PATJ: variants seen among roughly 807,000 people sequenced by gnomAD.
PATJ encodes inaD-like protein.
A neutral mutation model predicts 224.9 loss-of-function variants in PATJ; 190 were observed. The observed-to-expected ratio is 0.84, with a 90% CI of 0.75 to 0.95. The LOEUF is 0.95. Among genes scored for constraint, PATJ ranks in the 40% least tolerant of loss-of-function variants. The probability of loss-of-function intolerance (pLI) is 0.00; values close to 1 mark genes in which losing one functional copy is unlikely to be tolerated. For synonymous variants in PATJ, 769 were observed against 820.3 expected (o/e 0.94, Z 1.07); for missense variants, 2,121 against 2,270.3 (o/e 0.93, Z 1.34).
At position 62,114,074 on chromosome 1, in the gene PATJ, AAC is replaced by A; in HGVS notation, c.4484_4485del (p.Asn1495IlefsTer23). On this transcript the variant is annotated frameshift_variant, in exon 35 of 44. Coordinates refer to ENST00000642238, the MANE Select transcript of PATJ (RefSeq NM_001350145.3). LOFTEE classifies it high-confidence loss of function. ...CCAGGTTAATGGGGTTGACCTGAGG[AAC>A]TCCAGCCACGAAGAAGCCATCACAG... ...ILEVNGVDLR[N>X]SSHEEAITAL... 6.2e-7 allele frequency: 1 copy of A among 1,614,086 alleles called. No individual in the cohort carries two copies. The highest frequency in any genetic ancestry group is 8.5e-7 in the Non-Finnish European group (1 of 1,179,986).
chr1:62,158,721 AAAAAAAAAAC>A (rs1558251105), intron 43 of PATJ, among the ~76,000 whole-genome samples: 3 of 30,382 alleles, frequency 9.9e-5, no homozygotes, highest in South Asian at 1.0e-3. Flanking sequence ...ACTCTGTCTC[AAAAAAAAAAC>A]AAAAAAAAAG....
chr1:62,028,713 G>C (rs1032849169), intron 29 of PATJ, among the ~76,000 whole-genome samples: 22 of 152,048 alleles, frequency 1.4e-4, no homozygotes, highest in African/African-American at 5.3e-4. Context: ...AGCCCAGAAG[G>C]TCAAGGCTGC....
At chr1:61,992,894 T>G (rs1645149922) in intron 28 of PATJ, among the ~76,000 whole-genome samples, 1 of 152,184 alleles carries the variant, frequency 6.6e-6, no homozygotes, top group African/African-American at 2.4e-5. Flanking sequence ...ATGTAAGAGG[T>G]AAAGAGTTTT....
chr1:61,824,351 C>T (rs189898978), intron 15 of PATJ, among the ~76,000 whole-genome samples: 8 of 151,188 alleles, frequency 5.3e-5, no homozygotes, highest in Admixed American at 5.3e-4. Flanking sequence ...ATGTGTGAGC[C>T]ACTGCACCCG....
At chr1:62,051,265 G>A (rs998396545) in intron 31 of PATJ, among the ~76,000 whole-genome samples, 7 of 152,064 alleles carry the variant, frequency 4.6e-5, no homozygotes, top group African/African-American at 9.7e-5. Context: ...GAATTGTGCT[G>A]TCTGGGATTA....
intron 1 of PATJ, among the ~76,000 whole-genome samples, chr1:61,753,694 G>C (rs1368086167): frequency 1.3e-5 from 2 of 151,754 alleles, no homozygotes; most frequent in Admixed American, 6.6e-5. Context: ...ATTTTTAGTA[G>C]AGATGGGGTT....
At chr1:61,989,608 T>C (rs1343515402) in intron 27 of PATJ, among the ~76,000 whole-genome samples, 1 of 152,198 alleles carries the variant, frequency 6.6e-6, no homozygotes, top group African/African-American at 2.4e-5. Context: ...ATACTTTGCT[T>C]GCCTCAAATC....
intron 31 of PATJ, among the ~76,000 whole-genome samples, chr1:62,054,750 A>T (rs1654253362): frequency 6.6e-6 from 1 of 152,186 alleles, no homozygotes; most frequent in Non-Finnish European, 1.5e-5. Context: ...TCATTGGCTT[A>T]ATTTTTTTAA....
intron 41 of PATJ, among the ~76,000 whole-genome samples, chr1:62,144,804 G>GAATA (rs1667878465): frequency 8.9e-6 from 1 of 112,318 alleles, no homozygotes; most frequent in Non-Finnish European, 1.7e-5. Context: ...ATAATTAGCA[G>GAATA]AATACAAAGT....
chr1:62,090,849 C>A (rs1660644848), intron 33 of PATJ, among the ~76,000 whole-genome samples: 1 of 152,154 alleles, frequency 6.6e-6, no homozygotes, highest in Non-Finnish European at 1.5e-5. Context: ...ATGTCCACTT[C>A]TCAGAGATGT....
intron 17 of PATJ, among the ~76,000 whole-genome samples, chr1:61,852,056 A>G (rs771702503): frequency 2.5e-4 from 37 of 150,546 alleles, no homozygotes; most frequent in Non-Finnish European, 4.9e-4. Context: ...CACCTGTAAC[A>G]TCAGCTACTC....
At chr1:62,060,820 G>C (rs1655300750) in intron 31 of PATJ, among the ~76,000 whole-genome samples, 1 of 152,074 alleles carries the variant, frequency 6.6e-6, no homozygotes, top group Non-Finnish European at 1.5e-5. Flanking sequence ...GGGATTACAG[G>C]CATAAGCCAC....
intron 33 of PATJ, 22 bp downstream of exon 33, chr1:62,084,670 G>C (rs767153328): frequency 6.2e-7 from 1 of 1,610,968 alleles, no homozygotes; most frequent in Middle Eastern, 1.7e-4. Flanking sequence ...GAAATAAAAT[G>C]TATCCACTGT....
chr1:61,964,728 C>T lies in PATJ; in HGVS notation c.3671-25440C>T, dbSNP rs2482890. ...CACTTGAGCTCAGAAATTGAGGCTG[C>T]GGTGAGCCAAGATCGTGCCACTGCA... On this transcript the variant is annotated intron_variant, in intron 27 of 43. Transcript: ENST00000642238. Among the ~76,000 whole-genome samples, 538 of 151,806 alleles carry T rather than the reference C, an allele frequency of 3.5e-3. 3 individuals carry two copies. Among genetic ancestry groups the T allele is most frequent in the African/African-American group, 0.012 (507 of 41,378 alleles).
chr1:62,019,805 A>G lies in PATJ; in HGVS notation c.3959+1858A>G, dbSNP rs17122931. ...GACTTTGAAGAAAGGTCAGCACTCA[A>G]GAGATTAAGATGTTGTTCATTAAGA... is the stretch of plus-strand genomic sequence containing the variant. On this transcript the variant is annotated intron_variant, in intron 29 of 43. Transcript: ENST00000642238. Among the ~76,000 whole-genome samples the G allele has an allele frequency of 0.04, 6,162 of 152,232 alleles. 613 individuals carry two copies. In the East Asian group the frequency reaches 0.42, roughly 10 times the overall value.
In PATJ at chr1:61,825,104, A is replaced by G. The variant is rs184486257; in HGVS notation, c.1818+2025A>G. Among the ~76,000 whole-genome samples the G allele has an allele frequency of 2.6e-5, 4 of 152,310 alleles. No homozygotes were observed. The East Asian group carries it at 7.7e-4, about 29-fold the overall frequency. ...GTTGAGAATCAGTTCCTTCATCAAT[A>G]AATGCCCACTTCACTATGTGCTTGT... On this transcript the variant is annotated intron_variant, in intron 15 of 43. Transcript: ENST00000642238.
chr1:62,114,290 G>T, intron 35 of PATJ, 44 bp downstream of exon 35: 2 of 1,518,914 alleles, frequency 1.3e-6, no homozygotes, highest in South Asian at 2.3e-5. Flanking sequence ...TTTTCATCCA[G>T]AGCTCTGATG....
At chr1:61,797,108 C>T (rs1269184237) in intron 10 of PATJ, among the ~76,000 whole-genome samples, 179 bp from the exon 11 acceptor site, 2 of 152,078 alleles carry the variant, frequency 1.3e-5, no homozygotes, top group Non-Finnish European at 2.9e-5. Flanking sequence ...CTCAGGTGAT[C>T]CATGATCCAC....
At chr1:61,801,850 G>C (rs975327662) in intron 12 of PATJ, 81 bp downstream of exon 12, 1 of 1,028,190 alleles carries the variant, frequency 9.7e-7, no homozygotes, top group African/African-American at 1.6e-5. Flanking sequence ...AATATAGTAT[G>C]AGAAATCTTA....
Sources: allele counts gnomAD v4.1 joint callset (sites outside exome capture counted in the v4.1 genomes callset), GRCh38; gene constraint gnomAD v4.1.1; transcripts MANE v1.5; gene names NCBI Gene and HGNC (gene_info 2026-07-23, HGNC 2026-07-21).